MCPH1: variants seen among roughly 807,000 people sequenced by gnomAD.
The protein encoded by MCPH1 is microcephalin.
Under a neutral mutation model 84.5 loss-of-function variants are expected in MCPH1, and 104 were observed. The ratio of observed to expected loss-of-function variants is 1.23; its 90% CI spans 1.05 to 1.45. The LOEUF (loss-of-function observed/expected upper bound fraction) is 1.45, where lower values mean the gene tolerates loss of function less well. MCPH1 is among the 40% of genes most tolerant of loss of function. The pLI is 0.00. For missense variants in MCPH1, 1,498 were observed against 1,005.7 expected (o/e 1.49, Z -6.62); for synonymous variants, 514 against 366.8 (o/e 1.40, Z -4.58).
intron 8 of MCPH1, among the ~76,000 whole-genome samples, chr8:6,451,190 G>A (rs925316207): frequency 6.6e-6 from 1 of 152,184 alleles, no homozygotes; most frequent in African/African-American, 2.4e-5. Flanking sequence ...CTAACTCACT[G>A]GGGCTGCAAA....
chr8:6,469,833 C>T (rs1393212128), intron 9 of MCPH1, among the ~76,000 whole-genome samples: 1 of 152,186 alleles, frequency 6.6e-6, no homozygotes, highest in African/African-American at 2.4e-5. Context: ...CTCTTTTTCT[C>T]TCTCTCTCCC....
intron 13 of MCPH1, chr8:6,626,925 G>A: frequency 6.1e-6 from 6 of 983,702 alleles, no homozygotes; most frequent in South Asian, 4.7e-5. Context: ...CCATTCAAGT[G>A]ATAAGACATA....
intron 10 of MCPH1, 131 bp from the exon 11 acceptor site, chr8:6,480,583 C>T (rs913713524): frequency 3.6e-5 from 32 of 900,220 alleles, no homozygotes; most frequent in African/African-American, 1.1e-4. Flanking sequence ...TTAAGATATA[C>T]GTACCATAAC....
chr8:6,441,995 A>T (rs1437176669), intron 6 of MCPH1, 72 bp from the exon 7 acceptor site: 4 of 1,003,588 alleles, frequency 4.0e-6, no homozygotes, highest in Non-Finnish European at 6.4e-6. Context: ...TAATAGGAGG[A>T]CTTCCTGCTG....
At chr8:6,522,761 G>A (rs181761728) in intron 12 of MCPH1, among the ~76,000 whole-genome samples, 161 of 149,370 alleles carry the variant, frequency 1.1e-3, no homozygotes, top group African/African-American at 3.8e-3. Context: ...GCAACAGAGC[G>A]AGACATCGTC....
At chr8:6,626,573 G>A in intron 13 of MCPH1, 1 of 983,008 alleles carries the variant, frequency 1.0e-6, no homozygotes, top group Non-Finnish European at 1.2e-6. Flanking sequence ...CCCGGCCCTA[G>A]GAAATAAAAT....
In MCPH1 at chr8:6,629,739, A is replaced by G. The variant is rs540332068; in HGVS notation, c.2452+8048A>G. Among the ~76,000 whole-genome samples, 52 of 152,306 alleles carry G rather than the reference A, an allele frequency of 3.4e-4. No homozygotes were observed. The South Asian group carries it at 0.011, about 31-fold the overall frequency. On this transcript the variant is annotated intron_variant, in intron 13 of 13. Coordinates refer to ENST00000344683, the MANE Select transcript of MCPH1 (RefSeq NM_024596.5). ...CTAGTTCAGCCCAAAATGAATTCTG[A>G]TATCACCTGCAGAAATCTGCTTTTA...
At chr8:6,495,139 G>C (rs759892965) in intron 11 of MCPH1, among the ~76,000 whole-genome samples, 1 of 152,132 alleles carries the variant, frequency 6.6e-6, no homozygotes, top group Non-Finnish European at 1.5e-5. Flanking sequence ...TTTCTGGCTT[G>C]AAAATGCTTT....
chr8:6,442,858 G>A (rs1387640863), intron 7 of MCPH1, among the ~76,000 whole-genome samples: 1 of 152,184 alleles, frequency 6.6e-6, no homozygotes, highest in Non-Finnish European at 1.5e-5. Context: ...GCGCAAGATG[G>A]CATCAAGATA....
intron 12 of MCPH1, among the ~76,000 whole-genome samples, chr8:6,595,966 A>T (rs1405347544): frequency 6.6e-6 from 1 of 152,224 alleles, no homozygotes; most frequent in Non-Finnish European, 1.5e-5. Flanking sequence ...TCAGATGAAG[A>T]ATTTAAGAAA....
At chr8:6,478,343 G>A (rs1019953977) in intron 10 of MCPH1, among the ~76,000 whole-genome samples, 2 of 151,892 alleles carry the variant, frequency 1.3e-5, no homozygotes, top group African/African-American at 2.4e-5. Flanking sequence ...GTGAAAAAGG[G>A]GGTCACTCAA....
At chr8:6,562,821 A>G in intron 12 of MCPH1, 2 of 1,613,660 alleles carry the variant, frequency 1.2e-6, no homozygotes, top group Non-Finnish European at 1.7e-6. Context: ...TGCAGGACCC[A>G]TGCTGGACCT....
At chr8:6,503,070 T>C in intron 12 of MCPH1, 6 of 1,613,106 alleles carry the variant, frequency 3.7e-6, no homozygotes, top group Non-Finnish European at 5.1e-6. Flanking sequence ...TGAAAATAGT[T>C]CGAGACAGTT....
At chr8:6,588,871 C>A (rs1019230407) in intron 12 of MCPH1, among the ~76,000 whole-genome samples, 2 of 152,228 alleles carry the variant, frequency 1.3e-5, no homozygotes, top group Non-Finnish European at 2.9e-5. Flanking sequence ...GCCCAGTTCT[C>A]ACAGAAAAGA....
chr8:6,529,622 A>AC (rs1819066491), intron 12 of MCPH1, among the ~76,000 whole-genome samples: 1 of 135,446 alleles, frequency 7.4e-6, no homozygotes, highest in African/African-American at 2.8e-5. Flanking sequence ...ACGCCTGGCT[A>AC]ATTTTTTTTT....
intron 3 of MCPH1, among the ~76,000 whole-genome samples, chr8:6,419,753 CCT>C (rs1435448619): frequency 6.6e-6 from 1 of 152,038 alleles, no homozygotes; most frequent in Non-Finnish European, 1.5e-5. Flanking sequence ...CTCACTCCAG[CCT>C]CTCAAAGTGC....
At chr8:6,600,477 G>T (rs1431861488) in intron 12 of MCPH1, among the ~76,000 whole-genome samples, 1 of 152,214 alleles carries the variant, frequency 6.6e-6, no homozygotes, top group African/African-American at 2.4e-5. Context: ...ACTGGGGATT[G>T]GGGCGGCACT....
At chr8:6,444,225 C>T (rs1261645451) in intron 7 of MCPH1, among the ~76,000 whole-genome samples, 168 bp from the exon 8 acceptor site, 1 of 152,206 alleles carries the variant, frequency 6.6e-6, no homozygotes, top group Non-Finnish European at 1.5e-5. Context: ...GTTAAAAATA[C>T]TGGCCTAAAA....
At chr8:6,618,544 G>A (rs994765984) in intron 12 of MCPH1, 2 of 152,218 alleles carry the variant, frequency 1.3e-5, no homozygotes, top group South Asian at 4.1e-4. Context: ...ATAAATGTGT[G>A]TGTGTGTTGT....
Sources: allele counts gnomAD v4.1 joint callset (sites outside exome capture counted in the v4.1 genomes callset), GRCh38; gene constraint gnomAD v4.1.1; transcripts MANE v1.5; gene names NCBI Gene and HGNC (gene_info 2026-07-23, HGNC 2026-07-21).